The following RAD52 variants were observed in gnomAD, a reference collection of about 807,000 sequenced individuals.
RAD52 encodes RAD52 DNA repair protein.
Under a neutral mutation model 55.5 loss-of-function variants are expected in RAD52, and 47 were observed. The ratio of observed to expected loss-of-function variants is 0.85; its 90% CI spans 0.67 to 1.08. The LOEUF (loss-of-function observed/expected upper bound fraction) is 1.08. Among genes scored for constraint, RAD52 ranks in the 50% least tolerant of loss-of-function variants. The pLI, the probability that RAD52 is intolerant of heterozygous loss-of-function variation, is 0.00. For synonymous variants in RAD52, 184 were observed against 198.9 expected, an observed-to-expected ratio of 0.92 and a Z score of 0.63; for missense variants, 468 against 522.8, an observed-to-expected ratio of 0.90 and a Z score of 1.02.
rs760242513 is a variant in RAD52, at chr12:914,118, G to T, written c.971C>A (p.Thr324Asn). The T allele has an allele frequency of 4.3e-6, 7 of 1,613,368 alleles. No individual in the cohort carries two copies. The highest frequency in any genetic ancestry group is 3.3e-4 in the Middle Eastern group (2 of 6,082). ...LAGVTQELIK[T>N]LEDNSEKWAV... The stretch of plus-strand genomic sequence containing the variant: ...CCACTTTTCAGAGTTGTCTTCAAGA[G>T]TCTCTACAGAGGTCAAGGAAAAGTG... Residue 324 changes from threonine (T) to asparagine (N), a missense_variant, in exon 11 of 12, where the codon ACT becomes AAT. Coordinates refer to ENST00000358495, the MANE Select transcript of RAD52 (RefSeq NM_134424.4).
At chr12:932,048 C>G (rs1957350361) in intron 2 of RAD52, among the ~76,000 whole-genome samples, 1 of 152,210 alleles carries the variant, frequency 6.6e-6, no homozygotes, top group African/African-American at 2.4e-5. Flanking sequence ...CCCCCAGTAA[C>G]TTTCCATGCC....
rs769006515 is a variant in RAD52, at chr12:962,344, T to TTTC, written c.-19+27464_-19+27465insGAA. On this transcript the variant is annotated intron_variant, in intron 1 of 11. Coordinates refer to the RAD52 transcript ENST00000430095. The stretch of plus-strand genomic sequence containing the variant: ...GCCCCATCTGCCACGCTTTCTTTCC[T>TTTC]TTTTTTTTTTTTTTGAGACGGAGTC... Among the ~76,000 whole-genome samples, 131 of 146,532 alleles carry TTTC rather than the reference T, an allele frequency of 8.9e-4. 8 individuals are homozygous for TTTC. The highest frequency in any genetic ancestry group is 1.0e-3 in the Non-Finnish European group (66 of 66,182).
At chr12:914,554 A>G (rs1301602262) in intron 9 of RAD52, 22 bp from the exon 10 acceptor site, 1 of 1,612,210 alleles carries the variant, frequency 6.2e-7, no homozygotes, top group East Asian at 2.2e-5. Flanking sequence ...AGAGGAGAGA[A>G]AGGACAAGTC....
rs1323022544 is a variant in RAD52, at chr12:916,499, G to A, written c.726-16C>T. 6.2e-7 allele frequency: 1 copy of A among 1,606,530 alleles called. No homozygotes were observed. Among genetic ancestry groups the A allele is most frequent in the Non-Finnish European group, 8.5e-7 (1 of 1,178,548 alleles). ...GCTCAGGCTTCTGCATGAGAGGGCG[G>A]CGGCGAGGACGGGCTCCTGAGCAAC... is the stretch of plus-strand genomic sequence containing the variant. On this transcript the variant is annotated splice_polypyrimidine_tract_variant and intron_variant, in intron 8 of 11. Coordinates refer to ENST00000358495, the MANE Select transcript of RAD52 (RefSeq NM_134424.4).
chr12:977,398 G>A (rs937180381), intron 1 of RAD52, among the ~76,000 whole-genome samples: 4 of 152,106 alleles, frequency 2.6e-5, no homozygotes, highest in Admixed American at 6.5e-5. Context: ...TGGGTCAAAC[G>A]CTGCCATTTT....
chr12:956,868 G>A (rs1958614386), intron 1 of RAD52, among the ~76,000 whole-genome samples: 1 of 152,170 alleles, frequency 6.6e-6, no homozygotes, highest in African/African-American at 2.4e-5. Context: ...TTCTTAAAGT[G>A]AGAATAAATA....
rs560225263 is a variant in RAD52 at position 956,035 on chromosome 12, C to T, written c.-18-22959G>A. On this transcript the variant is annotated intron_variant, in intron 1 of 11. Transcript: ENST00000430095. ...CTGTAGAGCTTAAATCTGGATTGAT[C>T]TAAGTTCATTGTAGCAATTTACTTC... 3.9e-5 allele frequency among the ~76,000 whole-genome samples: 6 copies of T among 152,332 alleles called. 1 individual carries two copies. The highest frequency in any genetic ancestry group is 1.9e-4 in the East Asian group (1 of 5,186).
chr12:971,071 A>G (rs1425692697), intron 1 of RAD52, among the ~76,000 whole-genome samples: 1 of 152,222 alleles, frequency 6.6e-6, no homozygotes, highest in Admixed American at 6.5e-5. Flanking sequence ...AAGATAAAAT[A>G]TAGATAATCT....
chr12:915,318 T>C (rs980345931), intron 9 of RAD52, among the ~76,000 whole-genome samples: 12 of 152,214 alleles, frequency 7.9e-5, no homozygotes, highest in Admixed American at 2.0e-4. Context: ...ACAGTAAGGA[T>C]ATCCACAGGA....
At chr12:926,953 CAG>C in intron 6 of RAD52, 190 bp downstream of exon 6, 1 of 1,544,062 alleles carries the variant, frequency 6.5e-7, no homozygotes, top group South Asian at 1.2e-5. Context: ...AAGCCTGAAA[CAG>C]AAACATTGAA....
chr12:924,270 C>T (rs571617589), intron 7 of RAD52, among the ~76,000 whole-genome samples: 20 of 149,650 alleles, frequency 1.3e-4, no homozygotes, highest in African/African-American at 3.7e-4. Context: ...ATTAGCCAGG[C>T]GTGGTGGTAC....
At chr12:954,016 C>A (rs557489914), upstream of RAD52, among the ~76,000 whole-genome samples, 8 of 152,282 alleles carry the variant, frequency 5.3e-5, no homozygotes, top group Admixed American at 4.6e-4. Context: ...TGACATCATG[C>A]TGATTCACAA....
At position 924,057 on chromosome 12, in the gene RAD52, A is replaced by C. The variant is rs1259444575; in HGVS notation, c.543+1393T>G. 1.1e-3 allele frequency among the ~76,000 whole-genome samples: 111 copies of C among 99,006 alleles called. 1 individual carries two copies. Among genetic ancestry groups the C allele is most frequent in the Middle Eastern group, 0.014 (2 of 142 alleles). The allele number at this position is 99,006 out of a possible 152,430, so 65.0% of individuals were successfully genotyped here. A position where few individuals can be genotyped will look rare whatever the true frequency, so the allele number is the denominator to read the frequency against. ...CTGGGCGACAGAGTGAGACTATCTC[A>C]AAAAAAAAAAAAGAAAAAGAAAACT... On this transcript the variant is annotated intron_variant, in intron 7 of 11. Coordinates refer to ENST00000358495, the MANE Select transcript of RAD52 (RefSeq NM_134424.4).
chr12:972,297 T>C (rs1958870332), intron 1 of RAD52, among the ~76,000 whole-genome samples: 1 of 151,950 alleles, frequency 6.6e-6, no homozygotes, highest in Non-Finnish European at 1.5e-5. Context: ...TAAATACACA[T>C]ATAGTATATC....
At chr12:945,852 G>A (rs183561988) in intron 1 of RAD52, among the ~76,000 whole-genome samples, 2 of 151,406 alleles carry the variant, frequency 1.3e-5, no homozygotes, top group Admixed American at 6.6e-5. Context: ...GTGAAACTCC[G>A]TCTCTACTAA....
At chr12:968,162 A>C (rs758683233) in intron 1 of RAD52, among the ~76,000 whole-genome samples, 3 of 152,144 alleles carry the variant, frequency 2.0e-5, no homozygotes, top group Admixed American at 2.0e-4. Context: ...ACAAAAATTG[A>C]TAGTATTAAG....
intron 7 of RAD52, among the ~76,000 whole-genome samples, chr12:921,332 A>T (rs1956716354): frequency 1.3e-5 from 2 of 152,192 alleles, no homozygotes; most frequent in African/African-American, 4.8e-5. Flanking sequence ...GTTGGGCCAT[A>T]TGGGTTTCTC....
rs11571398 is a variant in RAD52 at position 932,869 on chromosome 12, G to A, written c.84+106C>T. The A allele has an allele frequency of 5.3e-5, 24 of 451,018 alleles. No individual in the cohort carries two copies. The East Asian group carries it at 5.4e-4, about 10-fold the overall frequency. 27.9% of individuals were successfully genotyped at this position (451,018 alleles called of 1,614,324 possible). A position where few individuals can be genotyped will look rare whatever the true frequency, so the allele number is the denominator to read the frequency against. ...CTGCTCACACACGTACTAGGTAAAC[G>A]TACTAGGTACTGCTCACACATGTAC... On this transcript the variant is annotated intron_variant, in intron 2 of 11. Transcript: ENST00000358495.
chr12:957,431 G>A (rs958083284), intron 1 of RAD52, among the ~76,000 whole-genome samples: 10 of 125,706 alleles, frequency 8.0e-5, no homozygotes, highest in African/African-American at 1.2e-4. Flanking sequence ...ATGCCATTGC[G>A]CTCCAGCCTA....
Sources: allele counts gnomAD v4.1 joint callset (sites outside exome capture counted in the v4.1 genomes callset), GRCh38; gene constraint gnomAD v4.1.1; transcripts MANE v1.5; gene names NCBI Gene and HGNC (gene_info 2026-07-23, HGNC 2026-07-21).